The following PARG variants were observed in gnomAD, a reference collection of about 807,000 sequenced individuals.
PARG encodes poly(ADP-ribose) glycohydrolase.
A neutral mutation model predicts 113.0 loss-of-function variants in PARG; 35 were observed. The ratio of observed to expected loss-of-function variants is 0.31; its 90% CI spans 0.24 to 0.41. PARG has a LOEUF of 0.41. Among genes scored for constraint, PARG ranks in the 10% least tolerant of loss-of-function variants. The pLI, the probability that PARG is intolerant of heterozygous loss-of-function variation, is 1.00. For synonymous variants in PARG, 330 were observed against 409.9 expected, an observed-to-expected ratio of 0.81 and a Z score of 2.36; for missense variants, 797 against 1,169.4, an observed-to-expected ratio of 0.68 and a Z score of 4.64.
intron 15 of PARG, among the ~76,000 whole-genome samples, chr10:49,838,136 T>C (rs1366407968): frequency 6.6e-6 from 1 of 152,122 alleles, no homozygotes; most frequent in East Asian, 1.9e-4. Context: ...TTTACATTTT[T>C]AAAAAATGAT....
At chr10:49,918,659 T>C (rs1837633421) in intron 6 of PARG, among the ~76,000 whole-genome samples, 1 of 152,178 alleles carries the variant, frequency 6.6e-6, no homozygotes. Flanking sequence ...AAATCCAACA[T>C]CAAATGGTAT....
intron 9 of PARG, among the ~76,000 whole-genome samples, chr10:49,876,570 A>G (rs1846946754): frequency 6.6e-6 from 1 of 152,246 alleles, no homozygotes; most frequent in African/African-American, 2.4e-5. Context: ...ACAGGCTAGC[A>G]TAGGAACCTA....
intron 1 of PARG, among the ~76,000 whole-genome samples, chr10:49,936,407 GAAGT>G (rs1419649079): frequency 5.9e-5 from 9 of 152,178 alleles, no homozygotes; most frequent in Non-Finnish European, 1.2e-4. Context: ...AGATGCCAAA[GAAGT>G]AACTAGATAG....
intron 7 of PARG, chr10:49,908,501 A>G (rs1372856914): frequency 6.6e-6 from 1 of 152,138 alleles, no homozygotes; most frequent in East Asian, 1.9e-4. Flanking sequence ...AGGTCCAAAA[A>G]GGTTAAATTT....
chr10:49,841,285 T>C (rs574281482), intron 15 of PARG, among the ~76,000 whole-genome samples: 21 of 151,334 alleles, frequency 1.4e-4, no homozygotes, highest in Non-Finnish European at 1.9e-4. Flanking sequence ...AAAAAGAAAA[T>C]CTCTGCTGAG....
At chr10:49,911,538 C>T (rs1554846262) in intron 7 of PARG, among the ~76,000 whole-genome samples, 1 of 152,074 alleles carries the variant, frequency 6.6e-6, no homozygotes, top group East Asian at 1.9e-4. Flanking sequence ...CAATATTAGC[C>T]CTGAAGTTGC....
In PARG at chr10:49,842,298, A is replaced by G. The variant is rs77010171; in HGVS notation, c.2433-240T>C. On this transcript the variant is annotated intron_variant, in intron 14 of 17. Coordinates refer to ENST00000616448, the MANE Select transcript of PARG (RefSeq NM_003631.5). ...TGAAAAATTACCCAGAGACAACACA[A>G]TGACATAGTGTAAACAGGTAAATCA... Among the ~76,000 whole-genome samples, 508 of 152,356 alleles carry G rather than the reference A, an allele frequency of 3.3e-3. 3 individuals carry two copies. Among genetic ancestry groups the G allele is most frequent in the African/African-American group, 0.011 (474 of 41,582 alleles).
chr10:49,907,315 T>C (rs1254641396), intron 7 of PARG, among the ~76,000 whole-genome samples: 1 of 152,188 alleles, frequency 6.6e-6, no homozygotes, highest in Non-Finnish European at 1.5e-5. Context: ...AGTAAATCAT[T>C]ACCTGTCATT....
At chr10:49,819,774 G>A (rs1216557044) in intron 17 of PARG, among the ~76,000 whole-genome samples, 8 of 152,132 alleles carry the variant, frequency 5.3e-5, no homozygotes, top group Non-Finnish European at 2.9e-5. Flanking sequence ...GGCAGCCCTC[G>A]TTATACACTT....
intron 15 of PARG, among the ~76,000 whole-genome samples, chr10:49,838,178 C>A (rs1291584370): frequency 6.6e-6 from 1 of 152,142 alleles, no homozygotes; most frequent in Non-Finnish European, 1.5e-5. Context: ...CGCCTGTAAT[C>A]CCGGCACTTT....
chr10:49,889,844 C>T (rs1350923411), intron 7 of PARG, among the ~76,000 whole-genome samples: 2 of 152,296 alleles, frequency 1.3e-5, no homozygotes, highest in Non-Finnish European at 2.9e-5. Flanking sequence ...ACTGTCAACA[C>T]TCCAGACCTA....
At chr10:49,862,562 A>C (rs1846305013) in intron 11 of PARG, among the ~76,000 whole-genome samples, 2 of 151,548 alleles carry the variant, frequency 1.3e-5, no homozygotes, top group Non-Finnish European at 2.9e-5. Context: ...TGATAGCTTT[A>C]ACTCAGAAGG....
intron 4 of PARG, among the ~76,000 whole-genome samples, chr10:49,929,848 A>G (rs1401959181): frequency 6.6e-6 from 1 of 151,412 alleles, no homozygotes; most frequent in Non-Finnish European, 1.5e-5. Context: ...AAAAAAAGAA[A>G]TACAGTTTTT....
intron 13 of PARG, among the ~76,000 whole-genome samples, chr10:49,852,441 A>T (rs1554834336): frequency 2.6e-5 from 4 of 151,612 alleles, no homozygotes; most frequent in South Asian, 4.2e-4. Context: ...AATTATCTTT[A>T]AAAAAAGAAA....
intron 8 of PARG, among the ~76,000 whole-genome samples, chr10:49,881,072 G>A (rs562899335): frequency 6.6e-6 from 1 of 152,234 alleles, no homozygotes; most frequent in Admixed American, 6.5e-5. Context: ...ATAAAACCTT[G>A]GTCTCCACAA....
intron 7 of PARG, among the ~76,000 whole-genome samples, chr10:49,897,095 T>C (rs1454024631): frequency 1.2e-4 from 18 of 152,196 alleles, no homozygotes; most frequent in African/African-American, 3.9e-4. Context: ...CTTTATCCTT[T>C]CTGTTGCTTG....
intron 11 of PARG, among the ~76,000 whole-genome samples, chr10:49,862,330 CT>C (rs541012540): frequency 3.4e-4 from 52 of 151,272 alleles, no homozygotes; most frequent in Middle Eastern, 3.4e-3. Flanking sequence ...TATTTTTCCC[CT>C]GATCACTTAC....
At chr10:49,854,373 A>T (rs1323258684) in intron 13 of PARG, among the ~76,000 whole-genome samples, 7 of 152,332 alleles carry the variant, frequency 4.6e-5, no homozygotes, top group African/African-American at 1.4e-4. Context: ...AAACAATTAC[A>T]GGGATTGTTT....
chr10:49,853,831 A>C (rs2132504885), intron 13 of PARG, among the ~76,000 whole-genome samples: 1 of 152,328 alleles, frequency 6.6e-6, no homozygotes, highest in African/African-American at 2.4e-5. Context: ...CACAGGGATA[A>C]AAATTTACAT....
Sources: allele counts gnomAD v4.1 joint callset (sites outside exome capture counted in the v4.1 genomes callset), GRCh38; gene constraint gnomAD v4.1.1; transcripts MANE v1.5; gene names NCBI Gene and HGNC (gene_info 2026-07-23, HGNC 2026-07-21).